The following PRKAR1B variants were observed in gnomAD, a reference collection of about 807,000 sequenced individuals.
The protein encoded by PRKAR1B is cAMP-dependent protein kinase type I-beta regulatory subunit.
Under a neutral mutation model 46.5 loss-of-function variants are expected in PRKAR1B, and 22 were observed. The ratio of observed to expected loss-of-function variants is 0.47; its 90% CI spans 0.34 to 0.68. The LOEUF is 0.68. PRKAR1B is among the 30% of genes least tolerant of loss of function. The probability of loss-of-function intolerance (pLI) is 0.01; values close to 1 mark genes in which losing one functional copy is unlikely to be tolerated. For synonymous variants in PRKAR1B, 259 were observed against 217.7 expected (o/e 1.19, Z -1.67); for missense variants, 445 against 535.6 (o/e 0.83, Z 1.67).
chr7:581,020 C>T (rs978696481), intron 8 of PRKAR1B, among the ~76,000 whole-genome samples: 1 of 152,240 alleles, frequency 6.6e-6, no homozygotes, highest in East Asian at 1.9e-4. Flanking sequence ...AGGGTCCGTA[C>T]CAGCTGGGCG....
intron 6 of PRKAR1B, among the ~76,000 whole-genome samples, chr7:601,654 C>G (rs1321007861): frequency 6.6e-6 from 1 of 152,228 alleles, no homozygotes; most frequent in East Asian, 1.9e-4. Flanking sequence ...GACGCCCACC[C>G]CTGCCCTGGC....
chr7:617,093 A>T (rs1378406538), intron 4 of PRKAR1B, among the ~76,000 whole-genome samples: 1 of 148,324 alleles, frequency 6.7e-6, no homozygotes, highest in Non-Finnish European at 1.5e-5. Flanking sequence ...TCCCAGGTTC[A>T]AGCAATTCTC....
At chr7:706,807 G>A (rs542514162) in intron 2 of PRKAR1B, among the ~76,000 whole-genome samples, 2 of 152,268 alleles carry the variant, frequency 1.3e-5, no homozygotes, top group East Asian at 1.9e-4. Context: ...GGCCCAGCCC[G>A]GACGGCACTC....
chr7:719,791 C>T (rs1020042868), intron 1 of PRKAR1B, among the ~76,000 whole-genome samples: 13 of 152,128 alleles, frequency 8.5e-5, no homozygotes, highest in African/African-American at 2.7e-4. Context: ...ATCACGCCAC[C>T]CCATCCCTAG....
intron 2 of PRKAR1B, among the ~76,000 whole-genome samples, chr7:692,412 CAGAGAGACAGAGAGACAG>C (rs1049792056): frequency 6.7e-6 from 1 of 150,088 alleles, no homozygotes. Flanking sequence ...AAAAAAGAAA[CAGAGAGACAGAGAGACAG>C]AGAGAGAGAG....
At chr7:587,151 G>A (rs1780650231) in intron 7 of PRKAR1B, among the ~76,000 whole-genome samples, 1 of 152,196 alleles carries the variant, frequency 6.6e-6, no homozygotes, top group African/African-American at 2.4e-5. Flanking sequence ...TCAGGAAAGA[G>A]AGATGGACTG....
intron 2 of PRKAR1B, among the ~76,000 whole-genome samples, chr7:686,076 G>A (rs372374512): frequency 1.9e-4 from 29 of 152,148 alleles, no homozygotes; most frequent in South Asian, 1.2e-3. Flanking sequence ...CAAGGTGGGC[G>A]GATCACGAGG....
intron 9 of PRKAR1B, among the ~76,000 whole-genome samples, chr7:562,401 C>T (rs1230398005): frequency 6.6e-6 from 1 of 152,228 alleles, no homozygotes; most frequent in East Asian, 1.9e-4. Context: ...CAGCCCAACT[C>T]CTCGTCTGCC....
At chr7:695,145 T>C (rs1193604078) in intron 2 of PRKAR1B, among the ~76,000 whole-genome samples, 1 of 152,118 alleles carries the variant, frequency 6.6e-6, no homozygotes, top group Non-Finnish European at 1.5e-5. Flanking sequence ...TAAACTGTCA[T>C]GACCAGACGA....
chr7:702,008 A>G (rs1350872546), intron 2 of PRKAR1B, among the ~76,000 whole-genome samples: 2 of 152,252 alleles, frequency 1.3e-5, no homozygotes, highest in Non-Finnish European at 1.5e-5. Context: ...AAAATACGTG[A>G]AAGTGTTAAA....
At chr7:673,045 TAAAAAAA>T (rs992683667) in intron 4 of PRKAR1B, among the ~76,000 whole-genome samples, 10 of 26,548 alleles carry the variant, frequency 3.8e-4, no homozygotes, top group East Asian at 3.5e-3. Flanking sequence ...GCCTTGTCTT[TAAAAAAA>T]AAAAAAAAAA....
intron 2 of PRKAR1B, among the ~76,000 whole-genome samples, chr7:699,084 A>G (rs1779924049): frequency 6.6e-6 from 1 of 152,224 alleles, no homozygotes; most frequent in South Asian, 2.1e-4. Context: ...AGCCAACCCC[A>G]GGAGAACCCT....
At chr7:669,869 T>A (rs558357552) in intron 4 of PRKAR1B, among the ~76,000 whole-genome samples, 44 of 110,396 alleles carry the variant, frequency 4.0e-4, no homozygotes, top group South Asian at 1.5e-3. Context: ...CGTGCCATAT[T>A]TTTTTTTTTT....
At chr7:636,012 T>A (rs71518336) in intron 4 of PRKAR1B, among the ~76,000 whole-genome samples, 4,578 of 18,846 alleles carry the variant, frequency 0.24, 440 homozygotes, top group South Asian at 0.28. Flanking sequence ...GGCCGCGCCC[T>A]CACGTCCTCC....
intron 4 of PRKAR1B, among the ~76,000 whole-genome samples, chr7:620,682 C>A (rs1783064515): frequency 6.6e-6 from 1 of 152,202 alleles, no homozygotes; most frequent in East Asian, 1.9e-4. Context: ...GCTGAACACT[C>A]ATAAGAATGT....
At chr7:595,245 G>A (rs1380910220) in intron 7 of PRKAR1B, among the ~76,000 whole-genome samples, 1 of 152,166 alleles carries the variant, frequency 6.6e-6, no homozygotes, top group African/African-American at 2.4e-5. Context: ...GGCTGCTTCC[G>A]GCACCCGGGC....
At chr7:663,049 TC>T (rs796100669) in intron 4 of PRKAR1B, among the ~76,000 whole-genome samples, 2 of 151,616 alleles carry the variant, frequency 1.3e-5, no homozygotes, top group African/African-American at 4.8e-5. Flanking sequence ...AGGAACTTAG[TC>T]CCCCCTCTTC....
In PRKAR1B at chr7:645,007, G is replaced by A. The variant is rs986041704; in HGVS notation, c.440+32222C>T. 4.6e-4 allele frequency among the ~76,000 whole-genome samples: 70 copies of A among 152,212 alleles called. 2 individuals carry two copies. Among genetic ancestry groups the A allele is most frequent in the Non-Finnish European group, 2.5e-4 (17 of 68,034 alleles). ...TCAGCCTCTATAAATAAGGCGCAGT[G>A]TGGACGAGTGAGGGCAAAGGGCCCC... On this transcript the variant is annotated intron_variant, in intron 4 of 10. Transcript: ENST00000537384.
chr7:647,095 C>T (rs991866485), intron 4 of PRKAR1B, among the ~76,000 whole-genome samples: 12 of 152,216 alleles, frequency 7.9e-5, no homozygotes, highest in Admixed American at 2.6e-4. Flanking sequence ...GCCACACAGC[C>T]GACCACCTGT....
Sources: allele counts gnomAD v4.1 joint callset (sites outside exome capture counted in the v4.1 genomes callset), GRCh38; gene constraint gnomAD v4.1.1; transcripts MANE v1.5; gene names NCBI Gene and HGNC (gene_info 2026-07-23, HGNC 2026-07-21).